Variants in IMMP2L observed in about 807,000 individuals in gnomAD.
IMMP2L encodes the protein inner mitochondrial membrane peptidase subunit 2, also known as mitochondrial inner membrane protease subunit 2.
A neutral mutation model predicts 19.3 loss-of-function variants in IMMP2L; 18 were observed. The observed-to-expected ratio is 0.93, with a 90% confidence interval of 0.64 to 1.38. The LOEUF is 1.38. IMMP2L is among the 40% of genes most tolerant of loss of function. IMMP2L has a pLI of 0.00. For synonymous variants in IMMP2L, 76 were observed against 73.0 expected, an observed-to-expected ratio of 1.04 and a Z score of -0.21; for missense variants, 233 against 218.2, an observed-to-expected ratio of 1.07 and a Z score of -0.43.
intron 3 of IMMP2L, among the ~76,000 whole-genome samples, chr7:111,073,340 G>T (rs1014271): frequency 0.95 from 144,050 of 152,240 alleles, 68,285 homozygotes; most frequent in East Asian, 0.99. Context: ...AGTGCATAAA[G>T]GTACCAAAAT....
At chr7:111,221,540 T>C (rs1812515761) in intron 3 of IMMP2L, among the ~76,000 whole-genome samples, 1 of 151,896 alleles carries the variant, frequency 6.6e-6, no homozygotes, top group Non-Finnish European at 1.5e-5. Context: ...AACGTGAGCC[T>C]ATACACACTA....
chr7:111,034,993 A>AT (rs1258482056), intron 3 of IMMP2L, among the ~76,000 whole-genome samples: 1 of 152,172 alleles, frequency 6.6e-6, no homozygotes, highest in Non-Finnish European at 1.5e-5. Flanking sequence ...CTGTACTTCC[A>AT]TTACAGACCC....
At position 111,559,112 on chromosome 7, in the gene IMMP2L, A is replaced by G. The variant is rs563855059; in HGVS notation, c.-3+2739T>C. Among the ~76,000 whole-genome samples, 80 of 152,300 alleles carry G rather than the reference A, an allele frequency of 5.3e-4. 2 individuals carry two copies. In the South Asian group the frequency reaches 0.012, roughly 23 times the overall value. ...AACCCTACAGACCACAGCTTATGAG[A>G]GAAATGCCACAAACTATAGCAGTAC... On this transcript the variant is annotated intron_variant, in intron 1 of 5. Coordinates refer to ENST00000405709, the MANE Select transcript of IMMP2L (RefSeq NM_032549.4).
chr7:111,266,591 C>T (rs1817865058), intron 3 of IMMP2L, among the ~76,000 whole-genome samples: 2 of 151,140 alleles, frequency 1.3e-5, no homozygotes, highest in Admixed American at 1.3e-4. Flanking sequence ...CCAGCTCTGG[C>T]ACTAAGAACA....
At chr7:111,216,893 A>T (rs1811980168) in intron 3 of IMMP2L, among the ~76,000 whole-genome samples, 1 of 152,130 alleles carries the variant, frequency 6.6e-6, no homozygotes, top group Admixed American at 6.6e-5. Context: ...CAGTGGATAA[A>T]ATAACACCTT....
chr7:111,477,432 T>C lies in IMMP2L; in HGVS notation c.239+9806A>G, dbSNP rs76261873. On this transcript the variant is annotated intron_variant, in intron 3 of 5. Coordinates refer to ENST00000405709, the MANE Select transcript of IMMP2L (RefSeq NM_032549.4). ...AGGGGCTTGTTTGTCTGAAAAAGAA[T>C]GCATTTCTCTTTCATTTTTTAAGAA... Among the ~76,000 whole-genome samples the C allele has an allele frequency of 9.1e-3, 1,385 of 152,276 alleles. 8 individuals carry two copies. Among genetic ancestry groups the C allele is most frequent in the Non-Finnish European group, 0.016 (1,093 of 67,998 alleles).
chr7:111,331,663 T>C (rs1334253879), intron 3 of IMMP2L, among the ~76,000 whole-genome samples: 1 of 151,884 alleles, frequency 6.6e-6, no homozygotes, highest in African/African-American at 2.4e-5. Context: ...TACATCACTT[T>C]ATACTCCATA....
intron 3 of IMMP2L, among the ~76,000 whole-genome samples, chr7:111,454,376 T>A (rs745560812): frequency 1.1e-4 from 16 of 152,128 alleles, no homozygotes; most frequent in Non-Finnish European, 1.9e-4. Context: ...TTTGAAAAAG[T>A]ATATATTTTG....
chr7:111,428,600 T>A lies in IMMP2L; in HGVS notation c.239+58638A>T, dbSNP rs142042768. On this transcript the variant is annotated intron_variant, in intron 3 of 5. Coordinates refer to ENST00000405709, the MANE Select transcript of IMMP2L (RefSeq NM_032549.4). ...AAGAAATGTTCAAGTGTCTATCAAT[T>A]TTACTTTCACGAAAGAAATCTAACT... 8.4e-4 allele frequency among the ~76,000 whole-genome samples: 128 copies of A among 151,892 alleles called. 5 individuals carry two copies. Among genetic ancestry groups the A allele is most frequent in the African/African-American group, 2.9e-3 (120 of 41,224 alleles).
intron 4 of IMMP2L, among the ~76,000 whole-genome samples, chr7:110,900,260 T>C (rs1446622570): frequency 6.6e-6 from 1 of 152,190 alleles, no homozygotes; most frequent in Non-Finnish European, 1.5e-5. Flanking sequence ...CACCCTGCCA[T>C]GTAGGCCAGC....
intron 3 of IMMP2L, among the ~76,000 whole-genome samples, chr7:111,403,474 C>G (rs577396668): frequency 6.6e-6 from 1 of 151,108 alleles, no homozygotes; most frequent in East Asian, 1.9e-4. Flanking sequence ...TATTTTTAAA[C>G]AGGGTCTCAC....
intron 5 of IMMP2L, among the ~76,000 whole-genome samples, chr7:110,748,443 C>A (rs1360102259): frequency 6.6e-6 from 1 of 152,146 alleles, no homozygotes; most frequent in Non-Finnish European, 1.5e-5. Flanking sequence ...ATAGCCAAGA[C>A]AATGCTAAGC....
intron 3 of IMMP2L, among the ~76,000 whole-genome samples, chr7:111,251,613 A>G (rs1483613365): frequency 6.6e-6 from 1 of 152,166 alleles, no homozygotes; most frequent in Non-Finnish European, 1.5e-5. Context: ...TGGAGCTGGA[A>G]GCAGTTATCC....
At chr7:111,125,077 T>G (rs1343689385) in intron 3 of IMMP2L, 1 of 513,258 alleles carries the variant, frequency 1.9e-6, no homozygotes, top group Non-Finnish European at 3.5e-6. Context: ...TATGTACAAC[T>G]TCAGCATTTT....
intron 3 of IMMP2L, among the ~76,000 whole-genome samples, chr7:111,229,730 A>G (rs1813520394): frequency 6.6e-6 from 1 of 152,048 alleles, no homozygotes; most frequent in South Asian, 2.1e-4. Context: ...AATAATTCAT[A>G]TCATTAGTAC....
At chr7:110,672,518 T>C (rs899408211) in intron 5 of IMMP2L, among the ~76,000 whole-genome samples, 3 of 152,110 alleles carry the variant, frequency 2.0e-5, no homozygotes, top group Non-Finnish European at 4.4e-5. Flanking sequence ...CATTCCACCA[T>C]TAACCCAAAA....
At chr7:111,239,642 T>C (rs999638096) in intron 3 of IMMP2L, among the ~76,000 whole-genome samples, 1 of 151,938 alleles carries the variant, frequency 6.6e-6, no homozygotes, top group South Asian at 2.1e-4. Flanking sequence ...TTATCTCTGA[T>C]GATCCTTTAT....
chr7:111,381,972 G>A (rs1423340958), intron 3 of IMMP2L, among the ~76,000 whole-genome samples: 1 of 151,990 alleles, frequency 6.6e-6, no homozygotes, highest in Admixed American at 6.6e-5. Flanking sequence ...CAAGTATGAA[G>A]TGTGTGTAGG....
chr7:111,285,194 G>A (rs1432421706), intron 3 of IMMP2L, among the ~76,000 whole-genome samples: 2 of 152,156 alleles, frequency 1.3e-5, no homozygotes, highest in African/African-American at 2.4e-5. Flanking sequence ...ACACAAGGCA[G>A]GAAAGGCCAT....
Sources: gnomAD v4.1 joint callset for allele counts (sites outside exome capture counted in the v4.1 genomes callset) on GRCh38, gnomAD v4.1.1 for gene constraint, MANE v1.5 for transcripts, NCBI Gene and HGNC (gene_info 2026-07-23, HGNC 2026-07-21) for gene names.